The following PLXNA3 variants were observed in gnomAD, a reference collection of about 807,000 sequenced individuals.
PLXNA3 encodes the protein plexin-A3.
PLXNA3 carries 52 observed loss-of-function variants against 118.8 expected under a neutral mutation model. The ratio of observed to expected loss-of-function variants is 0.44; its 90% CI spans 0.35 to 0.55. PLXNA3 has a LOEUF of 0.55. Ranked by LOEUF, PLXNA3 falls within the 20% of genes least tolerant of loss-of-function variation. The pLI, the probability that PLXNA3 is intolerant of heterozygous loss-of-function variation, is 0.01. For synonymous variants in PLXNA3, 925 were observed against 762.4 expected (o/e 1.21, Z -3.51); for missense variants, 1,660 against 1,730.8 (o/e 0.96, Z 0.73).
chrX:154,467,262 C>T lies in PLXNA3; in HGVS notation c.3232C>T (p.Leu1078=), dbSNP rs782021071. The T allele has an allele frequency of 8.6e-5, 104 of 1,208,663 alleles. No homozygotes were observed. Among genetic ancestry groups the T allele is most frequent in the Middle Eastern group, 2.3e-4 (1 of 4,373 alleles). The change falls in exon 19 of 33, where the codon CTG becomes TTG. Residue 1078 remains leucine, a synonymous_variant. Transcript: ENST00000369682. The stretch of plus-strand genomic sequence containing the variant: ...CCAAGTGATCAACGACACTGCCATG[C>T]TGTGTAAGGCCCCCGGCATCTTTCT... ...TCQVINDTAM[L]CKAPGIFLGR...
chrX:154,468,667 G>C lies in PLXNA3; in HGVS notation c.4225G>C (p.Glu1409Gln). 8.3e-7 allele frequency: 1 copy of C among 1,211,869 alleles called. No homozygotes were observed. The highest frequency in any genetic ancestry group is 1.1e-6 in the Non-Finnish European group (1 of 895,533). ...AGCCCCCTTCTCTTGCCCTAGGACA[G>C]AGTCAGTGGCTGAGAAGATGCTTAC... ...NHPKLLLRRT[E>Q]SVAEKMLTNW... Residue 1409 changes from glutamate (E) to glutamine (Q), a missense_variant, in exon 24 of 33, where the codon GAG becomes CAG. Around this residue, in one of 2 missense-constraint regions of PLXNA3, gnomAD observed 869 missense variants for 1,078.7 expected, o/e 0.81. Transcript: ENST00000369682.
intron 1 of PLXNA3, among the ~76,000 whole-genome samples, chrX:154,459,084 G>T (rs1204053085): frequency 1.8e-5 from 2 of 111,411 alleles, no homozygotes; most frequent in African/African-American, 6.5e-5. Flanking sequence ...AGCTGGGCCC[G>T]CTGCTTGTTC....
rs1557207840 is a variant in PLXNA3, at chrX:154,467,824, G to T, written c.3643G>T (p.Ala1215Ser). Reference protein sequence around the residue: ...LGTLHISAERALTLPAMMGLA... With the variant: ...LGTLHISAERSLTLPAMMGLA... Reference sequence around the variant, plus strand: ...CACCCTGCACATCTCGGCAGAGCGGGCGCTGACCCTACCGGCCATGATGGG... The same window carrying T: ...CACCCTGCACATCTCGGCAGAGCGGTCGCTGACCCTACCGGCCATGATGGG... Residue 1215 changes from alanine to serine, a missense_variant, in exon 21 of 33, where the codon GCG becomes TCG. This residue lies in a region of PLXNA3 where 869 missense variants were observed against 1,078.7 expected (regional missense o/e 0.81). Transcript: ENST00000369682. The T allele has an allele frequency of 8.3e-7, 1 of 1,205,563 alleles. No individual in the cohort carries two copies. Among genetic ancestry groups the T allele is most frequent in the Admixed American group, 2.2e-5 (1 of 46,038 alleles).
Position 154,460,217 on chromosome X carries a change from C to T in PLXNA3, c.34C>T (p.Leu12Phe). 2 of 1,209,220 alleles carry T rather than the reference C, an allele frequency of 1.7e-6. No individual in the cohort carries two copies. The change falls in exon 2 of 33, where the codon CTT becomes TTT. Residue 12 changes from leucine (L) to phenylalanine (F), a missense_variant. Around this residue, in one of 2 missense-constraint regions of PLXNA3, gnomAD observed 791 missense variants for 652.1 expected, o/e 1.21. Coordinates refer to ENST00000369682, the MANE Select transcript of PLXNA3 (RefSeq NM_017514.5). ...PSVCLLLLLF[L>F]AVGGALGNRP... Reference sequence around the variant, plus strand: ...TGTCTGCCTCCTCCTGCTGCTCTTCCTTGCCGTGGGGGGGGCCCTGGGCAA... The same window carrying T: ...TGTCTGCCTCCTCCTGCTGCTCTTCTTTGCCGTGGGGGGGGCCCTGGGCAA...
At chrX:154,470,967 C>T (rs1317369943) in intron 30 of PLXNA3, 138 bp from the exon 31 acceptor site, 21 of 489,529 alleles carry the variant, frequency 4.3e-5, no homozygotes, top group South Asian at 4.0e-4. Flanking sequence ...GAGGAAAGGC[C>T]GTTCACCCTA....
Position 154,470,655 on chromosome X carries a change from G to A in PLXNA3, c.5156+44G>A, listed in dbSNP as rs1557209172. The A allele has an allele frequency of 8.7e-6, 10 of 1,145,514 alleles. No individual in the cohort carries two copies. In the Admixed American group the frequency reaches 1.8e-4, roughly 20 times the overall value. 94.4% of individuals were successfully genotyped at this position (1,145,514 alleles called of 1,213,427 possible). A position where few individuals can be genotyped will look rare whatever the true frequency, so the allele number is the denominator to read the frequency against. On this transcript the variant is annotated intron_variant, in intron 30 of 32. Transcript: ENST00000369682. Reference sequence around the variant, plus strand: ...CTGCCAGCAGCCTGTCTGGAGACTGGTGGGCGGAAGACGCTGGTGGCTCTG... The same window carrying A: ...CTGCCAGCAGCCTGTCTGGAGACTGATGGGCGGAAGACGCTGGTGGCTCTG...
rs182322589 is a variant in PLXNA3 at position 154,477,741 on chromosome X, G to A, written c.*5056G>A. On this transcript the variant is annotated 3_prime_UTR_variant, in exon 33 of 33. Coordinates refer to ENST00000369682, the MANE Select transcript of PLXNA3 (RefSeq NM_017514.5). Reference sequence around the variant, plus strand: ...CCCAAGCACAACAAGAATATTGGGAGGTGCCCCAGCTGCAAATAAACTCAG... The same window carrying A: ...CCCAAGCACAACAAGAATATTGGGAAGTGCCCCAGCTGCAAATAAACTCAG... The A allele has an allele frequency of 9.7e-5, 37 of 380,971 alleles. No individual in the cohort carries two copies. The Admixed American group carries it at 1.6e-3, about 17-fold the overall frequency. The allele number at this position is 380,971 out of a possible 1,213,427, so 31.4% of individuals were successfully genotyped here.
In PLXNA3 at chrX:154,460,339, A is replaced by G. The variant is rs2068923130; in HGVS notation, c.156A>G (p.Arg52=). ...TGEVFVGAVN[R]VFKLAPNLTE... is the part of the protein sequence containing the mutation. ...AGGTGTTCGTGGGCGCAGTGAACCGAGTCTTTAAGCTGGCCCCCAACCTGA... is the reference window on the plus strand; with the variant it reads ...AGGTGTTCGTGGGCGCAGTGAACCGGGTCTTTAAGCTGGCCCCCAACCTGA... Residue 52 remains arginine, a synonymous_variant, in exon 2 of 33, where the codon CGA becomes CGG. Coordinates refer to ENST00000369682, the MANE Select transcript of PLXNA3 (RefSeq NM_017514.5). 8.3e-7 allele frequency: 1 copy of G among 1,209,893 alleles called. No individual in the cohort carries two copies. The highest frequency in any genetic ancestry group is 1.1e-6 in the Non-Finnish European group (1 of 894,876).
intron 28 of PLXNA3, 36 bp downstream of exon 28, chrX:154,469,820 G>A (rs782559584): frequency 4.3e-6 from 5 of 1,153,917 alleles, no homozygotes; most frequent in Non-Finnish European, 5.9e-6. Context: ...TGTGCCCTTC[G>A]AGGGAACCCC....
chrX:154,468,888 C>T lies in PLXNA3; in HGVS notation c.4353C>T (p.Pro1451=). The part of the protein sequence containing the change: ...CAIKQQMEKG[P]IDAITGEARY... ...TCAAGCAGCAGATGGAGAAGGGCCC[C>T]ATTGATGCCATCACGGGCGAGGCAC... Residue 1451 remains proline (P), a synonymous_variant, in exon 25 of 33, where the codon CCC becomes CCT. Coordinates refer to ENST00000369682, the MANE Select transcript of PLXNA3 (RefSeq NM_017514.5). 8.3e-7 allele frequency: 1 copy of T among 1,211,492 alleles called. No homozygotes were observed. Among genetic ancestry groups the T allele is most frequent in the Non-Finnish European group, 1.1e-6 (1 of 895,464 alleles).
At chrX:154,459,285 A>T (rs1269877583) in intron 1 of PLXNA3, among the ~76,000 whole-genome samples, 2 of 109,583 alleles carry the variant, frequency 1.8e-5, no homozygotes, top group African/African-American at 3.3e-5. Flanking sequence ...CTGCTGTCTT[A>T]GCAGCCTGGG....
In PLXNA3 at chrX:154,467,562, C is replaced by T. The variant is rs782092046; in HGVS notation, c.3459C>T (p.Pro1153=). 5.8e-5 allele frequency: 69 copies of T among 1,183,700 alleles called. No homozygotes were observed. The highest frequency in any genetic ancestry group is 1.2e-4 in the Admixed American group (5 of 41,816). Reference sequence around the variant, plus strand: ...ACCCCCAGGGCAAGAACCTGATTCCCGCTGCAGCCGGCAGCTCCCGCCTCA... The same window carrying T: ...ACCCCCAGGGCAAGAACCTGATTCCTGCTGCAGCCGGCAGCTCCCGCCTCA... The part of the protein sequence containing the change: ...HVVLKGKNLI[P]AAAGSSRLNY... Residue 1153 remains proline (P), a synonymous_variant, in exon 20 of 33, where the codon CCC becomes CCT. Coordinates refer to ENST00000369682, the MANE Select transcript of PLXNA3 (RefSeq NM_017514.5).
rs1178391824 is a variant in PLXNA3, at chrX:154,460,328, G to A, written c.145G>A (p.Ala49Thr). The change falls in exon 2 of 33, where the codon GCA becomes ACA. Residue 49 changes from alanine (A) to threonine (T), a missense_variant. Ala to Thr is a moderately conservative substitution (Grantham distance 58, BLOSUM62 0). Transcript: ENST00000369682. Reference sequence around the variant, plus strand: ...GGTGACTGGGGAGGTGTTCGTGGGCGCAGTGAACCGAGTCTTTAAGCTGGC... The same window carrying A: ...GGTGACTGGGGAGGTGTTCGTGGGCACAGTGAACCGAGTCTTTAAGCTGGC... ...HRVTGEVFVG[A>T]VNRVFKLAPN... 1 of 1,210,498 alleles carries A rather than the reference G, an allele frequency of 8.3e-7. No homozygotes were observed. Among genetic ancestry groups the A allele is most frequent in the Non-Finnish European group, 1.1e-6 (1 of 894,853 alleles).
In PLXNA3 at chrX:154,469,696, C is replaced by T. The variant is rs782458950; in HGVS notation, c.4707C>T (p.Asp1569=). The T allele has an allele frequency of 5.3e-5, 64 of 1,207,419 alleles. No individual in the cohort carries two copies. The highest frequency in any genetic ancestry group is 6.5e-5 in the Non-Finnish European group (58 of 892,348). The change falls in exon 28 of 33, where the codon GAC becomes GAT. Residue 1569 remains aspartate (D), a synonymous_variant. Transcript: ENST00000369682. ...GTCTCTGGGGCCTCCAGGTGACAGA[C>T]GGTTCCTTGGTGGCATTGGTGCCCA... The part of the protein sequence containing the change: ...LNSLAHYQVT[D]GSLVALVPKQ...
rs184056478 is a variant in PLXNA3 at position 154,461,449 on chromosome X, C to T, written c.945C>T (p.Asp315=). 8.7e-5 allele frequency: 105 copies of T among 1,210,849 alleles called. No individual in the cohort carries two copies. Among genetic ancestry groups the T allele is most frequent in the East Asian group, 2.7e-4 (9 of 33,771 alleles). ...AQALGVPADE[D]VLFTIFSQGQ... is the part of the protein sequence containing the mutation. Reference sequence around the variant, plus strand: ...CCCTGGGCGTGCCGGCTGATGAGGACGTCCTCTTCACCATCTTCTCTCAGG... The same window carrying T: ...CCCTGGGCGTGCCGGCTGATGAGGATGTCCTCTTCACCATCTTCTCTCAGG... Residue 315 remains aspartate, a synonymous_variant, in exon 3 of 33, where the codon GAC becomes GAT. Transcript: ENST00000369682.
At position 154,468,155 on chromosome X, in the gene PLXNA3, C is replaced by G; in HGVS notation, c.3894C>G (p.Asp1298Glu). Residue 1298 changes from aspartate to glutamate, a missense_variant, in exon 22 of 33, where the codon GAC (aspartate) becomes GAG (glutamate). Asp to Glu is a conservative substitution (Grantham distance 45). This residue lies in a region of PLXNA3 where 869 missense variants were observed against 1,078.7 expected (regional missense o/e 0.81). Transcript: ENST00000369682. ...HMDEVQIPFL[D>E]YRTYAVRVLF... ...ACGAGGTGCAGATCCCCTTCCTGGA[C>G]TACCGGACTTACGCCGTGCGCGTGC... 1 of 1,193,039 alleles carries G rather than the reference C, an allele frequency of 8.4e-7. No individual in the cohort carries two copies. The highest frequency in any genetic ancestry group is 1.1e-6 in the Non-Finnish European group (1 of 884,988).
In PLXNA3 at chrX:154,466,496, G is replaced by A. The variant is rs201916270; in HGVS notation, c.2920G>A (p.Glu974Lys). The A allele has an allele frequency of 2.5e-6, 3 of 1,206,226 alleles. No homozygotes were observed. Among genetic ancestry groups the A allele is most frequent in the Admixed American group, 2.2e-5 (1 of 44,997 alleles). ...GGTCACAGTGACTGTGAGGGACAGCGAGTGCCAGTTTGTAAGGTGGGCCGG... is the reference window on the plus strand; with the variant it reads ...GGTCACAGTGACTGTGAGGGACAGCAAGTGCCAGTTTGTAAGGTGGGCCGG... ...SRVTVTVRDS[E>K]CQFVRRDAKA... The change falls in exon 16 of 33, where the codon GAG (glutamate) becomes AAG (lysine). Residue 974 changes from glutamate to lysine, a missense_variant. By Grantham distance (56) the Glu-to-Lys change is moderately conservative. Transcript: ENST00000369682.
chrX:154,464,681 G>A lies in PLXNA3; in HGVS notation c.1929-73G>A, dbSNP rs782705550. Reference sequence around the variant, plus strand: ...TGGCTGCCTTCTTCCTTCAGTTCCCGATGTGTCCTATTGGGGAGCAGTGAG... The same window carrying A: ...TGGCTGCCTTCTTCCTTCAGTTCCCAATGTGTCCTATTGGGGAGCAGTGAG... On this transcript the variant is annotated intron_variant, in intron 9 of 32. Transcript: ENST00000369682. 3.6e-5 allele frequency: 28 copies of A among 776,746 alleles called. 1 individual carries two copies. The South Asian group carries it at 3.9e-4, about 11-fold the overall frequency. The allele number at this position is 776,746 out of a possible 1,213,427, so 64.0% of individuals were successfully genotyped here.
intron 17 of PLXNA3, 37 bp downstream of exon 17, chrX:154,466,830 C>T: frequency 1.8e-6 from 2 of 1,104,786 alleles, no homozygotes; most frequent in Non-Finnish European, 2.4e-6. Flanking sequence ...TGGCAGTGTC[C>T]AGAGGGCTCA....
Sources: gnomAD v4.1 joint callset for allele counts (sites outside exome capture counted in the v4.1 genomes callset) on GRCh38, gnomAD v4.1.1 for gene constraint, gnomAD v4.1.1 regional missense constraint, MANE v1.5 for transcripts, NCBI Gene and HGNC (gene_info 2026-07-23, HGNC 2026-07-21) for gene names.